The following COTL1 variants were observed in gnomAD, a reference collection of about 807,000 sequenced individuals.
The protein encoded by COTL1 is coactosin like F-actin binding protein 1.
COTL1 carries 15 observed loss-of-function variants against 16.5 expected under a neutral mutation model. The observed-to-expected ratio is 0.91, with a 90% CI of 0.61 to 1.40. The LOEUF (loss-of-function observed/expected upper bound fraction) is 1.40. Ranked by LOEUF, COTL1 falls within the 40% of genes most tolerant of loss-of-function variation. The probability of loss-of-function intolerance (pLI) is 0.00; values close to 1 mark genes in which losing one functional copy is unlikely to be tolerated. For synonymous variants in COTL1, 112 were observed against 85.3 expected (o/e 1.31, Z -1.73); for missense variants, 220 against 201.5 (o/e 1.09, Z -0.56).
intron 3 of COTL1, among the ~76,000 whole-genome samples, chr16:84,589,310 G>C (rs1007752684): frequency 2.0e-5 from 3 of 152,188 alleles, no homozygotes; most frequent in Non-Finnish European, 4.4e-5. Flanking sequence ...TTTTATCATG[G>C]ACCAATTACA....
intron 2 of COTL1, among the ~76,000 whole-genome samples, chr16:84,607,501 C>G (rs1905237833): frequency 6.6e-6 from 1 of 152,208 alleles, no homozygotes. Context: ...GTGGGTGTCA[C>G]TCTGCTCATT....
intron 3 of COTL1, among the ~76,000 whole-genome samples, chr16:84,588,799 G>A (rs537294273): frequency 6.6e-6 from 1 of 151,588 alleles, no homozygotes; most frequent in African/African-American, 2.4e-5. Context: ...TGACAGGTGT[G>A]AGTCACTGTG....
chr16:84,568,478 G>A (rs1904308277), intron 3 of COTL1: 2 of 152,250 alleles, frequency 1.3e-5, no homozygotes, highest in Non-Finnish European at 1.5e-5. Context: ...AGAGAGGAAT[G>A]AAGCGCTGCC....
intron 2 of COTL1, among the ~76,000 whole-genome samples, chr16:84,601,132 G>A (rs907539173): frequency 2.0e-5 from 3 of 152,274 alleles, no homozygotes; most frequent in Non-Finnish European, 4.4e-5. Flanking sequence ...TCACTGAACA[G>A]CCCTGGCACA....
intron 2 of COTL1, among the ~76,000 whole-genome samples, chr16:84,617,181 CTGGA>C (rs33921498): frequency 0.58 from 87,233 of 151,612 alleles, 27,731 homozygotes; most frequent in African/African-American, 0.87. Context: ...GTGGGAAGAG[CTGGA>C]TGGACACTGG....
intron 2 of COTL1, among the ~76,000 whole-genome samples, chr16:84,608,934 T>C (rs1309397278): frequency 1.3e-5 from 2 of 152,134 alleles, no homozygotes; most frequent in Non-Finnish European, 2.9e-5. Flanking sequence ...AAACCCAACA[T>C]TGTTTCTGGA....
At chr16:84,596,059 G>C (rs1904998550) in intron 2 of COTL1, 1 of 151,896 alleles carries the variant, frequency 6.6e-6, no homozygotes, top group Non-Finnish European at 1.5e-5. Flanking sequence ...TGTGCCACTT[G>C]GTCCCCAACA....
intron 3 of COTL1, among the ~76,000 whole-genome samples, chr16:84,589,611 C>G (rs946598586): frequency 2.0e-5 from 3 of 152,072 alleles, no homozygotes; most frequent in Non-Finnish European, 1.5e-5. Flanking sequence ...ACCGTGTTAC[C>G]CGTACCCCAA....
intron 2 of COTL1, among the ~76,000 whole-genome samples, chr16:84,600,913 C>T (rs1217832779): frequency 6.6e-6 from 1 of 152,164 alleles, no homozygotes; most frequent in East Asian, 1.9e-4. Flanking sequence ...TAAAGGTTTT[C>T]CCCCTATGAC....
At chr16:84,569,823 G>A (rs942532184) in intron 3 of COTL1, among the ~76,000 whole-genome samples, 1 of 152,212 alleles carries the variant, frequency 6.6e-6, no homozygotes. Context: ...CATGAGGGAG[G>A]GGCAGAGAGC....
chr16:84,581,647 G>T (rs1207116247), intron 3 of COTL1, among the ~76,000 whole-genome samples: 1 of 151,958 alleles, frequency 6.6e-6, no homozygotes, highest in African/African-American at 2.4e-5. Flanking sequence ...GGGATTACAG[G>T]CGTGTGCCAC....
chr16:84,573,380 A>G (rs968407787), intron 3 of COTL1, among the ~76,000 whole-genome samples: 2 of 152,258 alleles, frequency 1.3e-5, no homozygotes. Flanking sequence ...TCAGGCAAAC[A>G]GAATCATGAA....
At chr16:84,612,027 T>A (rs1905340593) in intron 2 of COTL1, among the ~76,000 whole-genome samples, 1 of 152,146 alleles carries the variant, frequency 6.6e-6, no homozygotes, top group Non-Finnish European at 1.5e-5. Context: ...AGCACCCATT[T>A]CCTTCCCATC....
intron 2 of COTL1, among the ~76,000 whole-genome samples, chr16:84,606,648 C>A (rs1051631490): frequency 6.6e-6 from 1 of 152,232 alleles, no homozygotes; most frequent in African/African-American, 2.4e-5. Flanking sequence ...CTTGGGTACA[C>A]CATGACATCC....
intron 3 of COTL1, among the ~76,000 whole-genome samples, chr16:84,573,778 C>CAA (rs1436653356): frequency 1.3e-5 from 2 of 150,890 alleles, no homozygotes; most frequent in Admixed American, 6.6e-5. Flanking sequence ...TACACACACA[C>CAA]ACACACACAC....
At chr16:84,605,375 T>C (rs1567539591) in intron 2 of COTL1, among the ~76,000 whole-genome samples, 1 of 152,224 alleles carries the variant, frequency 6.6e-6, no homozygotes, top group Non-Finnish European at 1.5e-5. Context: ...GCATATTAAA[T>C]GAAATCACAA....
intron 2 of COTL1, among the ~76,000 whole-genome samples, chr16:84,608,906 AAAATT>A (rs1440917799): frequency 2.0e-5 from 3 of 152,208 alleles, no homozygotes; most frequent in South Asian, 2.1e-4. Flanking sequence ...CCTTGTCTCA[AAAATT>A]AAATTAAATT....
chr16:84,617,622 A>G (rs1427687632), intron 1 of COTL1, 39 bp from the exon 2 acceptor site: 13 of 1,530,204 alleles, frequency 8.5e-6, no homozygotes, highest in Non-Finnish European at 1.1e-5. Flanking sequence ...CACACACATC[A>G]GCGCTGGTGG....
intron 2 of COTL1, among the ~76,000 whole-genome samples, chr16:84,612,917 G>A (rs1336205109): frequency 6.6e-6 from 1 of 152,094 alleles, no homozygotes; most frequent in Non-Finnish European, 1.5e-5. Context: ...CAGAGGGAGG[G>A]AGGCACTTGC....
Sources: allele counts gnomAD v4.1 joint callset (sites outside exome capture counted in the v4.1 genomes callset), GRCh38; gene constraint gnomAD v4.1.1; transcripts MANE v1.5; gene names NCBI Gene and HGNC (gene_info 2026-07-23, HGNC 2026-07-21).